Variants in SNTB1 observed in about 807,000 individuals in gnomAD.
SNTB1 encodes the protein beta-1-syntrophin.
SNTB1 carries 36 observed loss-of-function variants against 48.9 expected under a neutral mutation model. The ratio of observed to expected loss-of-function variants is 0.74; its 90% CI spans 0.56 to 0.97. The LOEUF is 0.97. SNTB1 is among the 50% of genes least tolerant of loss of function. The pLI, the probability that SNTB1 is intolerant of heterozygous loss-of-function variation, is 0.00. For missense variants in SNTB1, 786 were observed against 703.4 expected (o/e 1.12, Z -1.33); for synonymous variants, 299 against 294.6 (o/e 1.01, Z -0.15).
chr8:120,593,958 T>A (rs1351558213), intron 3 of SNTB1, among the ~76,000 whole-genome samples: 1 of 152,224 alleles, frequency 6.6e-6, no homozygotes, highest in African/African-American at 2.4e-5. Flanking sequence ...CTTCACTCAA[T>A]TCAATTCTGT....
At chr8:120,587,061 A>T (rs1055473295) in intron 3 of SNTB1, among the ~76,000 whole-genome samples, 77 of 152,254 alleles carry the variant, frequency 5.1e-4, no homozygotes, top group Non-Finnish European at 3.5e-4. Flanking sequence ...TCTCTACTAA[A>T]AATACAAAAA....
intron 3 of SNTB1, among the ~76,000 whole-genome samples, chr8:120,605,205 T>C (rs1276804434): frequency 2.6e-5 from 4 of 152,328 alleles, no homozygotes; most frequent in Admixed American, 1.3e-4. Context: ...CCCCTTTCTA[T>C]AGGGCTTGGA....
Position 120,538,479 on chromosome 8 carries a change from G to A in SNTB1, c.*398C>T, listed in dbSNP as rs7003420. 130,699 of 318,082 alleles carry A rather than the reference G, an allele frequency of 0.41. 31,839 individuals carry two copies. Among genetic ancestry groups the A allele is most frequent in the African/African-American group, 0.8 (37,441 of 46,730 alleles). The allele number at this position is 318,082 out of a possible 1,614,324, so 19.7% of individuals were successfully genotyped here. A position where few individuals can be genotyped will look rare whatever the true frequency, so the allele number is the denominator to read the frequency against. Reference sequence around the variant, plus strand: ...ATAGGGGGCTAGGAGGAGTAGGTAAGAATGTCCATTTCTCAACTATTCGGC... The same window carrying A: ...ATAGGGGGCTAGGAGGAGTAGGTAAAAATGTCCATTTCTCAACTATTCGGC... On this transcript the variant is annotated 3_prime_UTR_variant, in exon 7 of 7. Coordinates refer to ENST00000517992, the MANE Select transcript of SNTB1 (RefSeq NM_021021.4).
intron 1 of SNTB1, among the ~76,000 whole-genome samples, chr8:120,755,111 G>A (rs138569688): frequency 1.6e-4 from 24 of 151,730 alleles, no homozygotes; most frequent in Non-Finnish European, 2.2e-4. Context: ...GACACAGTGC[G>A]TAAATGTTGA....
intron 2 of SNTB1, among the ~76,000 whole-genome samples, chr8:120,652,590 C>T (rs772008880): frequency 1.3e-5 from 2 of 151,788 alleles, no homozygotes; most frequent in Non-Finnish European, 2.9e-5. Context: ...AGTCCTGACT[C>T]ATACACTGAC....
chr8:120,702,712 G>T (rs374448216), intron 1 of SNTB1, among the ~76,000 whole-genome samples: 1 of 152,292 alleles, frequency 6.6e-6, no homozygotes, highest in East Asian at 1.9e-4. Flanking sequence ...ATATGCAATT[G>T]TTTGCATAAT....
chr8:120,659,059 G>T lies in SNTB1; in HGVS notation c.789-26408C>A, dbSNP rs187699929. On this transcript the variant is annotated intron_variant, in intron 2 of 6. Transcript: ENST00000517992. The stretch of plus-strand genomic sequence containing the variant: ...GCTCACTGCAACCTCCACCCCCTGG[G>T]TTTAAGTGATTCTCCTGCCTTAGCC... 3.6e-3 allele frequency among the ~76,000 whole-genome samples: 543 copies of T among 151,972 alleles called. 18 individuals are homozygous for T. In the East Asian group the frequency reaches 0.076, roughly 21 times the overall value.
intron 2 of SNTB1, among the ~76,000 whole-genome samples, chr8:120,690,895 G>T (rs1818113890): frequency 6.6e-6 from 1 of 152,204 alleles, no homozygotes; most frequent in Admixed American, 6.5e-5. Flanking sequence ...TTTGGGACCT[G>T]TCTGGACCTG....
Position 120,548,872 on chromosome 8 carries a change from A to G in SNTB1, c.1223T>C (p.Ile408Thr), listed in dbSNP as rs759040938. ...CTCTGCTCTGAAGAGATGTGTTTCAATCCCTTGCCTGGTACCAGTTCGCGT... is the reference window on the plus strand; with the variant it reads ...CTCTGCTCTGAAGAGATGTGTTTCAGTCCCTTGCCTGGTACCAGTTCGCGT... ...FATRTGTRQG[I>T]ETHLFRAETS... The change falls in exon 5 of 7, where the codon ATT becomes ACT. Residue 408 changes from isoleucine to threonine, a missense_variant. Transcript: ENST00000517992. 4.3e-6 allele frequency: 7 copies of G among 1,613,888 alleles called. No homozygotes were observed. The Admixed American group carries it at 1.2e-4, about 27-fold the overall frequency.
intron 2 of SNTB1, among the ~76,000 whole-genome samples, chr8:120,693,440 A>G (rs1818160170): frequency 6.6e-6 from 1 of 152,234 alleles, no homozygotes; most frequent in South Asian, 2.1e-4. Context: ...AGCCCTAAAG[A>G]CATTTAGGAT....
intron 2 of SNTB1, among the ~76,000 whole-genome samples, chr8:120,653,991 G>A (rs1446358231): frequency 8.2e-6 from 1 of 122,534 alleles, no homozygotes; most frequent in Non-Finnish European, 1.6e-5. Flanking sequence ...AGTGAGCCCA[G>A]ATGGCGCCAC....
chr8:120,589,817 C>T (rs1816209470), intron 3 of SNTB1, among the ~76,000 whole-genome samples: 1 of 152,146 alleles, frequency 6.6e-6, no homozygotes, highest in African/African-American at 2.4e-5. Context: ...GCCCTGCTTC[C>T]AAATATCACC....
chr8:120,707,060 C>CTA (rs1818389536), intron 1 of SNTB1, among the ~76,000 whole-genome samples: 1 of 152,170 alleles, frequency 6.6e-6, no homozygotes, highest in East Asian at 1.9e-4. Context: ...CTAGACAATG[C>CTA]TATGGATACC....
rs796431124 is a variant in SNTB1, at chr8:120,613,120, C to T, written c.996+19324G>A. On this transcript the variant is annotated intron_variant, in intron 3 of 6. Transcript: ENST00000517992. ...ATCCCAGCACTTTGGGAGGCTGAGG[C>T]GGGTGGATCAGCTGAGGCCAGGAGT... Among the ~76,000 whole-genome samples, 21 of 152,100 alleles carry T rather than the reference C, an allele frequency of 1.4e-4. 1 individual carries two copies. The highest frequency in any genetic ancestry group is 2.4e-4 in the African/African-American group (10 of 41,478).
At chr8:120,753,065 G>C (rs552525306) in intron 1 of SNTB1, among the ~76,000 whole-genome samples, 1 of 151,942 alleles carries the variant, frequency 6.6e-6, no homozygotes, top group African/African-American at 2.4e-5. Flanking sequence ...TTTTCCTTGG[G>C]GTTGCTAAGC....
chr8:120,682,489 A>G (rs1384509276), intron 2 of SNTB1, among the ~76,000 whole-genome samples: 2 of 152,090 alleles, frequency 1.3e-5, no homozygotes, highest in African/African-American at 2.4e-5. Context: ...ATTCAACCCA[A>G]CCTCTCTGAA....
intron 2 of SNTB1, among the ~76,000 whole-genome samples, chr8:120,649,635 GC>G (rs1284892516): frequency 2.7e-5 from 4 of 149,890 alleles, no homozygotes; most frequent in Non-Finnish European, 6.0e-5. Context: ...TCTGTGCCCT[GC>G]CCCCAGAGGT....
intron 2 of SNTB1, among the ~76,000 whole-genome samples, chr8:120,640,650 T>C (rs1817177027): frequency 6.6e-6 from 1 of 152,244 alleles, no homozygotes. Flanking sequence ...GTGGTTTTTG[T>C]CTTTGGTTCT....
At chr8:120,650,479 C>G (rs4871088) in intron 2 of SNTB1, among the ~76,000 whole-genome samples, 56,509 of 151,640 alleles carry the variant, frequency 0.37, 12,315 homozygotes, top group Non-Finnish European at 0.49. Flanking sequence ...TTTCCCTCAC[C>G]CCCAACAAAA....
Sources: gnomAD v4.1 joint callset for allele counts (sites outside exome capture counted in the v4.1 genomes callset) on GRCh38, gnomAD v4.1.1 for gene constraint, MANE v1.5 for transcripts, NCBI Gene and HGNC (gene_info 2026-07-23, HGNC 2026-07-21) for gene names.